The following ADARB2 variants were observed in gnomAD, a reference collection of about 807,000 sequenced individuals.
ADARB2 encodes the protein adenosine deaminase RNA specific B2 (inactive).
A neutral mutation model predicts 62.2 loss-of-function variants in ADARB2; 25 were observed. The observed-to-expected ratio is 0.40, with a 90% CI of 0.29 to 0.56. The LOEUF (loss-of-function observed/expected upper bound fraction) is 0.56, where lower values mean the gene tolerates loss of function less well. ADARB2 is among the 20% of genes least tolerant of loss of function. The pLI is 0.43. For synonymous variants in ADARB2, 572 were observed against 500.8 expected, an observed-to-expected ratio of 1.14 and a Z score of -1.90; for missense variants, 1,071 against 1,077.4, an observed-to-expected ratio of 0.99 and a Z score of 0.08.
chr10:1,220,981 T>C (rs1830690172), intron 6 of ADARB2, among the ~76,000 whole-genome samples: 1 of 152,322 alleles, frequency 6.6e-6, no homozygotes, highest in African/African-American at 2.4e-5. Context: ...GGATGCCTTC[T>C]CCACAGGCTC....
At chr10:1,652,586 A>G (rs1834125189) in intron 1 of ADARB2, among the ~76,000 whole-genome samples, 1 of 152,150 alleles carries the variant, frequency 6.6e-6, no homozygotes, top group African/African-American at 2.4e-5. Flanking sequence ...TGCTTGCTAG[A>G]ATTGTTGCTA....
In ADARB2 at chr10:1,485,078, G is replaced by A. The variant is rs573781451; in HGVS notation, c.101-105918C>T. ...GGAAGGTACCTATGTAGGTATGTAG[G>A]TGGATTTCTATGTGCACTTATAGGT... is the stretch of plus-strand genomic sequence containing the variant. On this transcript the variant is annotated intron_variant, in intron 1 of 9. Coordinates refer to ENST00000381312, the MANE Select transcript of ADARB2 (RefSeq NM_018702.4). Among the ~76,000 whole-genome samples the A allele has an allele frequency of 4.6e-5, 7 of 152,244 alleles. No homozygotes were observed. The East Asian group carries it at 1.4e-3, about 29-fold the overall frequency.
At chr10:1,717,529 T>TTTCC (rs995711278) in intron 1 of ADARB2, among the ~76,000 whole-genome samples, 1 of 123,074 alleles carries the variant, frequency 8.1e-6, no homozygotes, top group Non-Finnish European at 1.8e-5. Context: ...CTTTCCTTTC[T>TTTCC]TTCCTTCCTT....
At chr10:1,480,073 C>T (rs905587127) in intron 1 of ADARB2, among the ~76,000 whole-genome samples, 1 of 147,480 alleles carries the variant, frequency 6.8e-6, no homozygotes, top group Non-Finnish European at 1.5e-5. Flanking sequence ...CAAAAAAAAA[C>T]CTACAGCGAA....
At chr10:1,686,185 C>T (rs952445759) in intron 1 of ADARB2, among the ~76,000 whole-genome samples, 3 of 152,228 alleles carry the variant, frequency 2.0e-5, no homozygotes, top group Admixed American at 6.5e-5. Context: ...GGGGAAGCAG[C>T]ACTTTAATTT....
intron 1 of ADARB2, among the ~76,000 whole-genome samples, chr10:1,637,883 A>G (rs1357189416): frequency 1.3e-5 from 2 of 152,236 alleles, no homozygotes; most frequent in African/African-American, 2.4e-5. Context: ...GGGGTGCTGA[A>G]TGGAAAAGTA....
intron 1 of ADARB2, among the ~76,000 whole-genome samples, chr10:1,481,780 C>T (rs1312376863): frequency 2.0e-5 from 3 of 151,516 alleles, no homozygotes; most frequent in African/African-American, 4.9e-5. Flanking sequence ...TGGCTTGAAC[C>T]CAGGAGGTGA....
chr10:1,508,806 G>A (rs1325829915), intron 1 of ADARB2, among the ~76,000 whole-genome samples: 1 of 152,202 alleles, frequency 6.6e-6, no homozygotes, highest in East Asian at 1.9e-4. Flanking sequence ...AAGGAAAGAA[G>A]TCGTGCTTAT....
intron 1 of ADARB2, among the ~76,000 whole-genome samples, chr10:1,720,596 G>C (rs765998015): frequency 1.3e-5 from 2 of 152,216 alleles, no homozygotes; most frequent in Non-Finnish European, 2.9e-5. Flanking sequence ...TGCCAAAAGA[G>C]AAATCTAGGG....
intron 1 of ADARB2, among the ~76,000 whole-genome samples, chr10:1,611,915 TG>T (rs1261379023): frequency 6.6e-6 from 1 of 152,158 alleles, no homozygotes; most frequent in Non-Finnish European, 1.5e-5. Context: ...GGGGTGCAGC[TG>T]GGGCCTCTTC....
At chr10:1,244,657 T>C (rs1051485497) in intron 4 of ADARB2, among the ~76,000 whole-genome samples, 3 of 152,144 alleles carry the variant, frequency 2.0e-5, no homozygotes, top group Non-Finnish European at 4.4e-5. Flanking sequence ...CCGAGGGAGA[T>C]GACGCGGTCA....
At chr10:1,185,069 T>A in intron 8 of ADARB2, 30 bp from the exon 9 acceptor site, 1 of 1,599,424 alleles carries the variant, frequency 6.3e-7, no homozygotes, top group Non-Finnish European at 8.5e-7. Flanking sequence ...AGGCGGGCGT[T>A]AATATTCCTG....
intron 3 of ADARB2, among the ~76,000 whole-genome samples, chr10:1,297,019 A>G (rs145387678): frequency 3.1e-3 from 478 of 152,296 alleles, no homozygotes; most frequent in South Asian, 5.4e-3. Flanking sequence ...TTTTCCTCCT[A>G]TACAAAATAC....
chr10:1,716,170 G>T (rs904704289), intron 1 of ADARB2, among the ~76,000 whole-genome samples: 3 of 152,176 alleles, frequency 2.0e-5, no homozygotes, highest in African/African-American at 7.2e-5. Flanking sequence ...TGCTTACTCA[G>T]TTCTCCCTGT....
At chr10:1,495,528 A>C (rs571510594) in intron 1 of ADARB2, among the ~76,000 whole-genome samples, 13 of 152,360 alleles carry the variant, frequency 8.5e-5, no homozygotes, top group African/African-American at 2.9e-4. Context: ...TTCCAGCCCA[A>C]TGCTACATTT....
intron 3 of ADARB2, among the ~76,000 whole-genome samples, chr10:1,288,007 GT>G (rs1181845297): frequency 6.6e-6 from 1 of 152,210 alleles, no homozygotes; most frequent in African/African-American, 2.4e-5. Flanking sequence ...TCCACTGAGT[GT>G]GCATGGTGGG....
chr10:1,192,969 T>C (rs954387193), intron 8 of ADARB2, among the ~76,000 whole-genome samples: 22 of 152,338 alleles, frequency 1.4e-4, no homozygotes, highest in Admixed American at 1.3e-3. Flanking sequence ...TGTGGATTCC[T>C]GCAAGCCAGA....
At chr10:1,606,102 T>C (rs1367201110) in intron 1 of ADARB2, among the ~76,000 whole-genome samples, 2 of 152,230 alleles carry the variant, frequency 1.3e-5, no homozygotes, top group Non-Finnish European at 2.9e-5. Flanking sequence ...ATCATTCCCG[T>C]TGGTGATTCC....
intron 1 of ADARB2, among the ~76,000 whole-genome samples, chr10:1,406,275 C>A (rs115135012): frequency 0.011 from 1,621 of 152,322 alleles, 29 homozygotes; most frequent in African/African-American, 0.037. Flanking sequence ...TGGGCCCTCC[C>A]CAGGGGCTCA....
Sources: gnomAD v4.1 joint callset for allele counts (sites outside exome capture counted in the v4.1 genomes callset) on GRCh38, gnomAD v4.1.1 for gene constraint, MANE v1.5 for transcripts, NCBI Gene and HGNC (gene_info 2026-07-23, HGNC 2026-07-21) for gene names.